TDRD1: variants seen among roughly 807,000 people sequenced by gnomAD.
The protein encoded by TDRD1 is tudor domain containing 1, also known as tudor domain-containing protein 1.
A neutral mutation model predicts 140.6 loss-of-function variants in TDRD1; 37 were observed. The ratio of observed to expected loss-of-function variants is 0.26; its 90% CI spans 0.20 to 0.35. The LOEUF (loss-of-function observed/expected upper bound fraction) is 0.35, where lower values mean the gene tolerates loss of function less well. Ranked by LOEUF, TDRD1 falls within the 10% of genes least tolerant of loss-of-function variation. The probability of loss-of-function intolerance (pLI) is 1.00; values close to 1 mark genes in which losing one functional copy is unlikely to be tolerated. For synonymous variants in TDRD1, 506 were observed against 475.7 expected, an observed-to-expected ratio of 1.06 and a Z score of -0.83; for missense variants, 1,243 against 1,393.0, an observed-to-expected ratio of 0.89 and a Z score of 1.71.
intron 23 of TDRD1, 103 bp downstream of exon 23, chr10:114,227,402 C>A: frequency 1.2e-6 from 1 of 808,780 alleles, no homozygotes; most frequent in Admixed American, 2.3e-5. Context: ...GCCATACTCT[C>A]TCCTCCTCCT....
intron 14 of TDRD1, 33 bp from the exon 15 acceptor site, chr10:114,213,313 T>G (rs1318609030): frequency 1.3e-6 from 2 of 1,584,886 alleles, no homozygotes; most frequent in Admixed American, 3.5e-5. Flanking sequence ...GCTTTCAGAA[T>G]AATTGTAACA....
chr10:114,191,127 GT>G lies in TDRD1; in HGVS notation c.384+114del, dbSNP rs2033931269. On this transcript the variant is annotated intron_variant, in intron 3 of 25. Transcript: ENST00000251864. Reference sequence around the variant, plus strand: ...TTGTAGGTATCATTCAAGATCAAATGTTTTTTCTTTTATGTACATTTTTAAA... The same window carrying G: ...TTGTAGGTATCATTCAAGATCAAATGTTTTTCTTTTATGTACATTTTTAAA... 10 of 1,232,068 alleles carry G rather than the reference GT, an allele frequency of 8.1e-6. No homozygotes were observed. The South Asian group carries it at 1.5e-4, about 19-fold the overall frequency. The allele number at this position is 1,232,068 out of a possible 1,614,324, so 76.3% of individuals were successfully genotyped here.
chr10:114,208,314 A>G (rs756988294), intron 11 of TDRD1, among the ~76,000 whole-genome samples: 1 of 152,208 alleles, frequency 6.6e-6, no homozygotes, highest in Non-Finnish European at 1.5e-5. Context: ...GTTGGATTCA[A>G]GTAATGTTGG....
chr10:114,209,355 A>G (rs2035335949), intron 11 of TDRD1, among the ~76,000 whole-genome samples: 1 of 152,206 alleles, frequency 6.6e-6, no homozygotes, highest in Non-Finnish European at 1.5e-5. Context: ...GGTTACCTTA[A>G]GCCTGGAGAT....
At chr10:114,180,136 C>A (rs1418901378) in intron 1 of TDRD1, 1 of 152,154 alleles carries the variant, frequency 6.6e-6, no homozygotes, top group Non-Finnish European at 1.5e-5. Flanking sequence ...TCATCTTAAG[C>A]CTGCAAGCTG....
chr10:114,196,833 C>CTTTTTTTTTTTTTTT (rs36124319), intron 3 of TDRD1, among the ~76,000 whole-genome samples: 14 of 48,328 alleles, frequency 2.9e-4, no homozygotes, highest in Non-Finnish European at 4.3e-4. Context: ...TTCTAGCAGT[C>CTTTTTTTTTTTTTTT]TTTTTTTTTT....
chr10:114,218,816 A>C (rs1294364739), intron 18 of TDRD1, among the ~76,000 whole-genome samples: 4 of 152,238 alleles, frequency 2.6e-5, no homozygotes, highest in Non-Finnish European at 5.9e-5. Flanking sequence ...TCTGGAAGGC[A>C]TTGGCAGGAT....
intron 8 of TDRD1, 38 bp downstream of exon 8, chr10:114,203,605 G>C: frequency 6.4e-7 from 1 of 1,553,802 alleles, no homozygotes; most frequent in Non-Finnish European, 8.7e-7. Flanking sequence ...AAACGTTTGA[G>C]CTAACTTTGG....
chr10:114,213,217 T>G (rs545833028), intron 14 of TDRD1, 129 bp from the exon 15 acceptor site: 28 of 825,034 alleles, frequency 3.4e-5, no homozygotes, highest in South Asian at 2.8e-4. Flanking sequence ...TTTTATGTTC[T>G]TCTTAAGTGA....
chr10:114,218,605 C>G, intron 18 of TDRD1, 21 bp downstream of exon 18: 1 of 1,510,302 alleles, frequency 6.6e-7, no homozygotes, highest in East Asian at 2.4e-5. Flanking sequence ...CAATAAGAAA[C>G]TTTCTCAACT....
chr10:114,215,498 C>G (rs141086955), intron 16 of TDRD1, among the ~76,000 whole-genome samples: 10 of 152,276 alleles, frequency 6.6e-5, no homozygotes, highest in Non-Finnish European at 1.0e-4. Flanking sequence ...TCAGAAACAT[C>G]TAGTTGCTCC....
At chr10:114,206,660 C>T (rs1158623171) in intron 11 of TDRD1, among the ~76,000 whole-genome samples, 2 of 137,698 alleles carry the variant, frequency 1.5e-5, no homozygotes, top group Non-Finnish European at 3.0e-5. Flanking sequence ...GTTGTCCAAG[C>T]TGGAGTGCAA....
chr10:114,178,440 G>GA (rs375264639), upstream of TDRD1, among the ~76,000 whole-genome samples: 324 of 152,294 alleles, frequency 2.1e-3, 1 homozygote, highest in Non-Finnish European at 3.4e-3. Context: ...GTTTGGGTGC[G>GA]AGAGTAAGTC....
intron 21 of TDRD1, among the ~76,000 whole-genome samples, chr10:114,223,109 C>T (rs533676656): frequency 2.6e-5 from 4 of 152,188 alleles, no homozygotes; most frequent in East Asian, 1.9e-4. Flanking sequence ...GATCCTTCTC[C>T]GTTTTAATGT....
intron 4 of TDRD1, among the ~76,000 whole-genome samples, chr10:114,200,144 A>G (rs941311922): frequency 2.0e-5 from 3 of 152,174 alleles, no homozygotes; most frequent in Non-Finnish European, 2.9e-5. Context: ...CTTCTCGTGG[A>G]TAAGTTGGAA....
chr10:114,228,774 T>C (rs1008139944), intron 25 of TDRD1: 77 of 985,306 alleles, frequency 7.8e-5, no homozygotes, highest in Non-Finnish European at 8.4e-5. Flanking sequence ...AAATTTTTGA[T>C]TAAGAGCCAA....
rs1036709166 is a variant in TDRD1, at chr10:114,203,559, G to A, written c.973G>A (p.Val325Ile). The A allele has an allele frequency of 8.1e-6, 13 of 1,603,318 alleles. No homozygotes were observed. In the African/African-American group the frequency reaches 1.8e-4, roughly 22 times the overall value. Residue 325 changes from valine (V) to isoleucine (I), a missense_variant, in exon 8 of 26, where the codon GTT becomes ATT. Physicochemically the swap from Val to Ile is conservative, Grantham distance 29. Coordinates refer to ENST00000251864, the Ensembl canonical transcript of TDRD1. ...GGAAGTTTGTATTGCCAAGTACACT[G>A]TTGATCAGGTAACCTGTAATGAAAT...
chr10:114,206,607 G>GTTTT (rs1299669109), intron 11 of TDRD1, among the ~76,000 whole-genome samples: 1 of 138,168 alleles, frequency 7.2e-6, no homozygotes, highest in Admixed American at 8.2e-5. Context: ...TAGAGTTAGG[G>GTTTT]TTTGTTTTTT....
chr10:114,215,969 A>T (rs970552890), intron 16 of TDRD1, among the ~76,000 whole-genome samples: 3 of 151,962 alleles, frequency 2.0e-5, no homozygotes, highest in South Asian at 2.1e-4. Flanking sequence ...TAATTTTTGC[A>T]TTTTTTCTTC....
Sources: allele counts gnomAD v4.1 joint callset (sites outside exome capture counted in the v4.1 genomes callset), GRCh38; gene constraint gnomAD v4.1.1; transcripts MANE v1.5; gene names NCBI Gene and HGNC (gene_info 2026-07-23, HGNC 2026-07-21).